CTNNA2: variants seen among roughly 807,000 people sequenced by gnomAD.
CTNNA2 encodes catenin alpha-2.
Under a neutral mutation model 101.0 loss-of-function variants are expected in CTNNA2, and 42 were observed. That is an observed-to-expected ratio of 0.42 (90% CI 0.32 to 0.54). The LOEUF is 0.54. Among genes scored for constraint, CTNNA2 ranks in the 20% least tolerant of loss-of-function variants. The pLI is 0.14. For synonymous variants in CTNNA2, 450 were observed against 456.4 expected (o/e 0.99, Z 0.18); for missense variants, 871 against 1,223.1 (o/e 0.71, Z 4.29).
At chr2:79,922,685 A>C (rs1686754510) in intron 7 of CTNNA2, among the ~76,000 whole-genome samples, 1 of 147,612 alleles carries the variant, frequency 6.8e-6, no homozygotes, top group African/African-American at 2.5e-5. Context: ...TGGAAGGATC[A>C]CCACCCATTT....
chr2:80,579,708 C>G (rs1695362782), intron 13 of CTNNA2, among the ~76,000 whole-genome samples: 2 of 152,134 alleles, frequency 1.3e-5, no homozygotes, highest in Admixed American at 6.6e-5. Context: ...GAAGGAAAAA[C>G]AAGAGTGATA....
chr2:79,987,459 C>T (rs544332887), intron 7 of CTNNA2, among the ~76,000 whole-genome samples: 6 of 152,220 alleles, frequency 3.9e-5, no homozygotes, highest in African/African-American at 1.2e-4. Flanking sequence ...AGTTAATCTT[C>T]GAGAGTCTCA....
At chr2:80,162,555 T>C in intron 7 of CTNNA2, 2 of 1,608,620 alleles carry the variant, frequency 1.2e-6, no homozygotes, top group Non-Finnish European at 1.7e-6. Context: ...AAATCATCTC[T>C]TTCCTCTGTA....
chr2:80,582,982 C>CTATAAA (rs1695667471), intron 14 of CTNNA2, among the ~76,000 whole-genome samples: 2 of 151,830 alleles, frequency 1.3e-5, no homozygotes, highest in African/African-American at 4.8e-5. Context: ...ATCAAGTGAC[C>CTATAAA]CAAAAGATAT....
chr2:80,177,948 C>T (rs1705502460), intron 7 of CTNNA2, among the ~76,000 whole-genome samples: 1 of 152,248 alleles, frequency 6.6e-6, no homozygotes, highest in East Asian at 1.9e-4. Flanking sequence ...GATTTCTCTT[C>T]ACCACTGTCC....
intron 2 of CTNNA2, among the ~76,000 whole-genome samples, chr2:79,717,343 G>T (rs1351582605): frequency 1.3e-5 from 2 of 152,126 alleles, no homozygotes; most frequent in Non-Finnish European, 2.9e-5. Flanking sequence ...GTTTTGTTAG[G>T]TGTCCTTCGA....
chr2:80,526,652 T>C (rs1387180578), intron 9 of CTNNA2, among the ~76,000 whole-genome samples: 1 of 152,140 alleles, frequency 6.6e-6, no homozygotes, highest in Non-Finnish European at 1.5e-5. Context: ...CTCAATTTTC[T>C]CATCTATAAA....
chr2:80,264,258 C>T (rs540463142), intron 7 of CTNNA2, among the ~76,000 whole-genome samples: 6 of 151,960 alleles, frequency 3.9e-5, no homozygotes, highest in African/African-American at 7.2e-5. Flanking sequence ...TGCTATTTAA[C>T]GATATTGGAG....
intron 7 of CTNNA2, among the ~76,000 whole-genome samples, chr2:80,066,833 C>T (rs1698014871): frequency 6.6e-6 from 1 of 152,118 alleles, no homozygotes; most frequent in Non-Finnish European, 1.5e-5. Flanking sequence ...ATTGAATCAA[C>T]CTCAGTGTTC....
rs1339398812 is a variant in CTNNA2, at chr2:79,533,844, C to G, written c.-6+20637C>G. On this transcript the variant is annotated intron_variant, in intron 1 of 18. Coordinates refer to ENST00000402739, the MANE Select transcript of CTNNA2 (RefSeq NM_001282597.3). ...AACAACAAAACACAATTAAACTACA[C>G]TTAAATATCATATATCCATATATCC... is the stretch of plus-strand genomic sequence containing the variant. Among the ~76,000 whole-genome samples the G allele has an allele frequency of 2.0e-5, 3 of 152,266 alleles. No individual in the cohort carries two copies. The South Asian group carries it at 6.2e-4, about 32-fold the overall frequency.
chr2:79,921,553 A>C (rs1686653252), intron 7 of CTNNA2, among the ~76,000 whole-genome samples: 1 of 151,904 alleles, frequency 6.6e-6, no homozygotes, highest in Non-Finnish European at 1.5e-5. Context: ...TCACCTCACC[A>C]CTCTCAAACA....
intron 18 of CTNNA2, among the ~76,000 whole-genome samples, chr2:80,641,193 C>G (rs139978486): frequency 6.6e-6 from 1 of 152,110 alleles, no homozygotes; most frequent in South Asian, 2.1e-4. Flanking sequence ...AAAGTAAACA[C>G]CTCAGTTCTT....
intron 7 of CTNNA2, among the ~76,000 whole-genome samples, chr2:79,988,643 G>A (rs1270687838): frequency 6.6e-6 from 1 of 152,084 alleles, no homozygotes; most frequent in East Asian, 1.9e-4. Context: ...AGAAACTAAG[G>A]CTCATTGAAG....
At chr2:79,829,406 CACACACACAG>C (rs1293430339) in intron 3 of CTNNA2, among the ~76,000 whole-genome samples, 35 of 129,860 alleles carry the variant, frequency 2.7e-4, no homozygotes, top group African/African-American at 3.7e-4. Context: ...CACACACACA[CACACACACAG>C]ACACAAAGCC....
intron 9 of CTNNA2, among the ~76,000 whole-genome samples, chr2:80,474,997 A>T (rs1214831004): frequency 6.6e-6 from 1 of 152,154 alleles, no homozygotes; most frequent in African/African-American, 2.4e-5. Flanking sequence ...GATCTCAGAG[A>T]TATAGACACC....
At chr2:79,844,773 G>C (rs1414918521) in intron 3 of CTNNA2, among the ~76,000 whole-genome samples, 1 of 152,088 alleles carries the variant, frequency 6.6e-6, no homozygotes, top group Admixed American at 6.5e-5. Context: ...ATATGAGGCC[G>C]AAGGACTGCT....
chr2:79,198,975 A>G (rs1376377305), intron 2 of CTNNA2, among the ~76,000 whole-genome samples: 1 of 152,242 alleles, frequency 6.6e-6, no homozygotes, highest in Non-Finnish European at 1.5e-5. Context: ...TTTCATTAAC[A>G]TTGCAATGAG....
chr2:80,415,330 A>T (rs962482877), intron 8 of CTNNA2, among the ~76,000 whole-genome samples: 1 of 152,126 alleles, frequency 6.6e-6, no homozygotes, highest in Non-Finnish European at 1.5e-5. Flanking sequence ...ACCTGGCATG[A>T]CAAGATATTT....
intron 7 of CTNNA2, among the ~76,000 whole-genome samples, chr2:80,237,751 C>T (rs1022532371): frequency 1.3e-5 from 2 of 152,108 alleles, no homozygotes; most frequent in African/African-American, 2.4e-5. Context: ...TCTTAAAATT[C>T]TGTCCTGAAT....
Sources: gnomAD v4.1 joint callset for allele counts (sites outside exome capture counted in the v4.1 genomes callset) on GRCh38, gnomAD v4.1.1 for gene constraint, MANE v1.5 for transcripts, NCBI Gene and HGNC (gene_info 2026-07-23, HGNC 2026-07-21) for gene names.